The following TMEM132B variants were observed in gnomAD, a reference collection of about 807,000 sequenced individuals.
TMEM132B encodes transmembrane protein 132B.
TMEM132B carries 18 observed loss-of-function variants against 90.8 expected under a neutral mutation model. The ratio of observed to expected loss-of-function variants is 0.20; its 90% CI spans 0.14 to 0.29. The LOEUF (loss-of-function observed/expected upper bound fraction) is 0.29. Among genes scored for constraint, TMEM132B ranks in the 10% least tolerant of loss-of-function variants. The pLI, the probability that TMEM132B is intolerant of heterozygous loss-of-function variation, is 1.00. For synonymous variants in TMEM132B, 504 were observed against 523.3 expected, an observed-to-expected ratio of 0.96 and a Z score of 0.50; for missense variants, 1,096 against 1,326.8, an observed-to-expected ratio of 0.83 and a Z score of 2.70.
intron 3 of TMEM132B, among the ~76,000 whole-genome samples, chr12:125,452,903 G>T (rs1404711079): frequency 6.6e-6 from 1 of 151,824 alleles, no homozygotes; most frequent in Non-Finnish European, 1.5e-5. Context: ...TCTTTAGTTT[G>T]TCACTTCCCT....
chr12:125,523,791 G>A (rs2136672327), intron 4 of TMEM132B, among the ~76,000 whole-genome samples: 1 of 152,274 alleles, frequency 6.6e-6, no homozygotes, highest in Admixed American at 6.5e-5. Flanking sequence ...GAGCTCTCTT[G>A]GCCTCCATGT....
At chr12:125,532,567 T>A (rs1253567656) in intron 4 of TMEM132B, among the ~76,000 whole-genome samples, 1 of 151,402 alleles carries the variant, frequency 6.6e-6, no homozygotes. Context: ...CAGGCTGGAG[T>A]GCAGTGGTGC....
chr12:125,535,203 C>T lies in TMEM132B; in HGVS notation c.1293+15578C>T, dbSNP rs148861596. ...CTATAACAGGCATCCCTACTCACTT[C>T]ATCAGTTACCGCCATTGTTCCAGAA... On this transcript the variant is annotated intron_variant, in intron 4 of 8. Transcript: ENST00000682704. Among the ~76,000 whole-genome samples the T allele has an allele frequency of 6.6e-3, 1,003 of 152,340 alleles. 13 individuals are homozygous for T. The highest frequency in any genetic ancestry group is 0.023 in the African/African-American group (956 of 41,586).
chr12:125,518,601 TC>T (rs1415003766), intron 3 of TMEM132B, among the ~76,000 whole-genome samples: 1 of 152,212 alleles, frequency 6.6e-6, no homozygotes, highest in African/African-American at 2.4e-5. Flanking sequence ...TTAACTCTGT[TC>T]AGTGACTTCC....
intron 4 of TMEM132B, among the ~76,000 whole-genome samples, chr12:125,538,597 T>C (rs990204258): frequency 1.3e-5 from 2 of 152,234 alleles, no homozygotes; most frequent in African/African-American, 4.8e-5. Flanking sequence ...ATGATTCTGA[T>C]GTGAGTCCAA....
At chr12:125,556,235 T>A (rs1031764093) in intron 4 of TMEM132B, among the ~76,000 whole-genome samples, 1 of 152,230 alleles carries the variant, frequency 6.6e-6, no homozygotes, top group Non-Finnish European at 1.5e-5. Context: ...AGGATGCTAA[T>A]GTCCAATTGG....
intron 1 of TMEM132B, among the ~76,000 whole-genome samples, chr12:125,196,478 TG>T (rs1468634032): frequency 1.3e-5 from 2 of 152,128 alleles, no homozygotes; most frequent in African/African-American, 4.8e-5. Flanking sequence ...GAGGCCGAGG[TG>T]GGTGGATCAC....
At chr12:125,347,913 TTTTAA>T (rs1301494130) in intron 1 of TMEM132B, among the ~76,000 whole-genome samples, 1 of 152,240 alleles carries the variant, frequency 6.6e-6, no homozygotes, top group Admixed American at 6.5e-5. Flanking sequence ...GTGCTGTGTG[TTTTAA>T]TTAACAAAAT....
chr12:125,231,816 TA>T (rs1229117696), intron 1 of TMEM132B, among the ~76,000 whole-genome samples: 1 of 151,898 alleles, frequency 6.6e-6, no homozygotes, highest in Non-Finnish European at 1.5e-5. Context: ...ATTAATACTT[TA>T]AAAAAATGCA....
intron 3 of TMEM132B, among the ~76,000 whole-genome samples, chr12:125,470,542 G>A (rs1388048274): frequency 1.3e-5 from 2 of 152,172 alleles, no homozygotes; most frequent in Admixed American, 6.5e-5. Flanking sequence ...TTGTTTAACC[G>A]AGGCTTTCCC....
At chr12:125,202,209 T>C (rs998150052) in intron 1 of TMEM132B, among the ~76,000 whole-genome samples, 2 of 152,196 alleles carry the variant, frequency 1.3e-5, no homozygotes, top group African/African-American at 4.8e-5. Flanking sequence ...GGGGAAGAAG[T>C]CTTCCTTTTC....
chr12:125,324,656 T>C (rs552766413), intron 1 of TMEM132B, among the ~76,000 whole-genome samples: 41 of 152,304 alleles, frequency 2.7e-4, no homozygotes, highest in African/African-American at 8.4e-4. Flanking sequence ...TTGTGAACTG[T>C]GCATGCGAGG....
chr12:125,414,212 G>T (rs1879941485), intron 2 of TMEM132B, among the ~76,000 whole-genome samples: 1 of 152,144 alleles, frequency 6.6e-6, no homozygotes, highest in Admixed American at 6.5e-5. Context: ...GATTTTGTAG[G>T]AATACTTTAT....
intron 2 of TMEM132B, among the ~76,000 whole-genome samples, chr12:125,352,050 A>G (rs149567687): frequency 6.6e-6 from 1 of 152,354 alleles, no homozygotes; most frequent in East Asian, 1.9e-4. Context: ...GGCTCCCCCA[A>G]GTAAATCTGT....
chr12:125,414,755 T>C (rs1879961398), intron 2 of TMEM132B, among the ~76,000 whole-genome samples: 1 of 152,190 alleles, frequency 6.6e-6, no homozygotes, highest in South Asian at 2.1e-4. Flanking sequence ...ATACACAGCA[T>C]TGGGCCAAGT....
intron 4 of TMEM132B, among the ~76,000 whole-genome samples, chr12:125,553,717 C>T (rs1884298512): frequency 6.6e-6 from 1 of 152,284 alleles, no homozygotes; most frequent in Middle Eastern, 3.4e-3. Context: ...CTGATTAGGT[C>T]AAGAACAGAT....
Position 125,650,954 on chromosome 12 carries a change from G to A in TMEM132B, c.1914+1G>A. 2 of 1,611,926 alleles carry A rather than the reference G, an allele frequency of 1.2e-6. No individual in the cohort carries two copies. Among genetic ancestry groups the A allele is most frequent in the Non-Finnish European group, 1.7e-6 (2 of 1,179,746 alleles). On this transcript the variant is annotated splice_donor_variant, in intron 7 of 8. Transcript: ENST00000682704. LOFTEE classifies it high-confidence loss of function. ...GGAGCCGGGAATAACCACGGTGCAG[G>A]TACACGCCGCCATGCCTTGCCCAAC...
intron 2 of TMEM132B, among the ~76,000 whole-genome samples, chr12:125,372,557 T>A (rs1878329271): frequency 6.6e-6 from 1 of 152,188 alleles, no homozygotes; most frequent in Non-Finnish European, 1.5e-5. Context: ...TTAAGAGATG[T>A]TTTTCCAGTG....
In TMEM132B at chr12:125,415,591, G is replaced by C; in HGVS notation, c.1020G>C (p.Trp340Cys). The change falls in exon 3 of 9, where the codon TGG (tryptophan) becomes TGC (cysteine). Residue 340 changes from tryptophan to cysteine, a missense_variant. Physicochemically the swap from Trp to Cys is radical, Grantham distance 215. Coordinates refer to ENST00000682704, the MANE Select transcript of TMEM132B (RefSeq NM_001366854.1). The surrounding 1 kb of genome is among the most constrained non-coding windows in gnomAD (Gnocchi z 5.3). ...TAVRVSSEDQ[W>C]AVQEEIDNGS... ...TGAGAGTCAGCAGTGAGGACCAATG[G>C]GCAGTCCAGGAGGAAATTGATAATG... 6.2e-7 allele frequency: 1 copy of C among 1,614,202 alleles called. No homozygotes were observed. Among genetic ancestry groups the C allele is most frequent in the Non-Finnish European group, 8.5e-7 (1 of 1,180,042 alleles).
Sources: gnomAD v4.1 joint callset for allele counts (sites outside exome capture counted in the v4.1 genomes callset) on GRCh38, gnomAD v4.1.1 for gene constraint, Gnocchi (gnomAD v3.1) non-coding constraint, MANE v1.5 for transcripts, NCBI Gene and HGNC (gene_info 2026-07-23, HGNC 2026-07-21) for gene names.